PXDNL: variants seen among roughly 807,000 people sequenced by gnomAD.
PXDNL encodes the protein peroxidasin like.
A neutral mutation model predicts 150.8 loss-of-function variants in PXDNL; 145 were observed. That is an observed-to-expected ratio of 0.96 (90% CI 0.84 to 1.10). The LOEUF is 1.10. Among genes scored for constraint, PXDNL ranks in the 50% least tolerant of loss-of-function variants. The probability of loss-of-function intolerance (pLI) is 0.00; values close to 1 mark genes in which losing one functional copy is unlikely to be tolerated. For synonymous variants in PXDNL, 757 were observed against 725.7 expected (o/e 1.04, Z -0.69); for missense variants, 2,087 against 1,873.9 (o/e 1.11, Z -2.10).
At chr8:51,759,720 T>C (rs2130993778) in intron 1 of PXDNL, among the ~76,000 whole-genome samples, 1 of 152,382 alleles carries the variant, frequency 6.6e-6, no homozygotes, top group Admixed American at 6.5e-5. Flanking sequence ...ATTGTTCTTA[T>C]ACTTGACTGA....
chr8:51,635,484 G>A (rs1359445413), intron 2 of PXDNL, among the ~76,000 whole-genome samples: 1 of 151,940 alleles, frequency 6.6e-6, no homozygotes, highest in African/African-American at 2.4e-5. Flanking sequence ...ACTTTAGCTA[G>A]GCTAACCATG....
chr8:51,568,878 C>T (rs1288819827), intron 3 of PXDNL, among the ~76,000 whole-genome samples: 3 of 151,902 alleles, frequency 2.0e-5, no homozygotes, highest in South Asian at 2.1e-4. Flanking sequence ...CATATCCAGT[C>T]GACTGGTGGG....
At chr8:51,543,134 A>G (rs1812258866) in intron 4 of PXDNL, among the ~76,000 whole-genome samples, 1 of 152,200 alleles carries the variant, frequency 6.6e-6, no homozygotes, top group African/African-American at 2.4e-5. Context: ...CAATACCAAG[A>G]AACTCTAAGA....
intron 1 of PXDNL, among the ~76,000 whole-genome samples, chr8:51,656,086 T>A (rs1815144315): frequency 6.6e-6 from 1 of 152,162 alleles, no homozygotes; most frequent in South Asian, 2.1e-4. Context: ...CAGGGAAATT[T>A]TATAGGGCGC....
chr8:51,406,578 C>A (rs1808441906), intron 17 of PXDNL, among the ~76,000 whole-genome samples: 1 of 152,190 alleles, frequency 6.6e-6, no homozygotes, highest in Admixed American at 6.5e-5. Context: ...CAACCCCATG[C>A]CTTCCTGCTT....
chr8:51,327,723 A>C (rs1261466670), intron 21 of PXDNL, among the ~76,000 whole-genome samples: 1 of 152,234 alleles, frequency 6.6e-6, no homozygotes, highest in Non-Finnish European at 1.5e-5. Context: ...AATATGAGTA[A>C]AACATAAAGC....
intron 4 of PXDNL, 106 bp downstream of exon 4, chr8:51,556,734 G>A: frequency 1.5e-6 from 1 of 687,398 alleles, no homozygotes; most frequent in Non-Finnish European, 2.6e-6. Context: ...CAAGCCACAT[G>A]GAGAAGCTTA....
intron 1 of PXDNL, among the ~76,000 whole-genome samples, chr8:51,719,699 A>T (rs1031846948): frequency 6.6e-6 from 1 of 151,926 alleles, no homozygotes; most frequent in Non-Finnish European, 1.5e-5. Flanking sequence ...TATAAACATG[A>T]TTTTTTTAAA....
At chr8:51,592,566 A>T in intron 3 of PXDNL, 61 bp downstream of exon 3, 1 of 1,147,926 alleles carries the variant, frequency 8.7e-7, no homozygotes, top group Non-Finnish European at 1.2e-6. Flanking sequence ...AAACACACAC[A>T]AAAAAGGCAA....
chr8:51,594,188 A>AT (rs1357051717), intron 2 of PXDNL, among the ~76,000 whole-genome samples: 1 of 152,240 alleles, frequency 6.6e-6, no homozygotes, highest in Non-Finnish European at 1.5e-5. Context: ...GTGTGTATAC[A>AT]TACATATGTG....
At chr8:51,738,676 CA>C (rs2036866995) in intron 1 of PXDNL, among the ~76,000 whole-genome samples, 2 of 151,914 alleles carry the variant, frequency 1.3e-5, no homozygotes, top group Non-Finnish European at 2.9e-5. Flanking sequence ...CACAAACTAC[CA>C]AAACTCAATT....
chr8:51,441,522 C>G (rs1310688370), intron 12 of PXDNL, among the ~76,000 whole-genome samples: 1 of 152,114 alleles, frequency 6.6e-6, no homozygotes, highest in Admixed American at 6.5e-5. Flanking sequence ...AGCTGAGAGA[C>G]AGAGCAGCAT....
intron 1 of PXDNL, among the ~76,000 whole-genome samples, chr8:51,714,368 G>A (rs771038069): frequency 6.6e-6 from 1 of 152,172 alleles, no homozygotes; most frequent in Admixed American, 6.5e-5. Flanking sequence ...TCATAGCACT[G>A]AGGAATAGCA....
intron 13 of PXDNL, among the ~76,000 whole-genome samples, chr8:51,424,875 C>T (rs1441102382): frequency 6.6e-6 from 1 of 152,042 alleles, no homozygotes; most frequent in African/African-American, 2.4e-5. Context: ...CTGACTTTAC[C>T]CCATGCTTGA....
chr8:51,616,504 C>T (rs994430708), intron 2 of PXDNL, among the ~76,000 whole-genome samples: 7 of 152,162 alleles, frequency 4.6e-5, no homozygotes, highest in Admixed American at 3.9e-4. Flanking sequence ...ATACAGATAT[C>T]TGTGTATGTA....
rs79512885 is a variant in PXDNL at position 51,402,038 on chromosome 8, G to A, written c.3557+6029C>T. On this transcript the variant is annotated intron_variant, in intron 17 of 22. Coordinates refer to ENST00000356297, the MANE Select transcript of PXDNL (RefSeq NM_144651.5). ...GGGGCAACCTTTTCGGGCAAAGGAA[G>A]ACAAAGACAGAGAATGCAAGTTTTT... Among the ~76,000 whole-genome samples the A allele has an allele frequency of 6.7e-3, 1,026 of 152,288 alleles. 8 individuals carry two copies. Among genetic ancestry groups the A allele is most frequent in the African/African-American group, 0.023 (970 of 41,568 alleles).
chr8:51,335,477 AG>A (rs1805806124), intron 21 of PXDNL, among the ~76,000 whole-genome samples: 2 of 152,240 alleles, frequency 1.3e-5, no homozygotes, highest in South Asian at 4.1e-4. Flanking sequence ...AGCTCCTTTC[AG>A]TAGCTGTTTC....
At chr8:51,457,696 A>T (rs1389622346) in intron 8 of PXDNL, 29 bp from the exon 9 acceptor site, 1 of 1,554,658 alleles carries the variant, frequency 6.4e-7, no homozygotes, top group Admixed American at 1.7e-5. Flanking sequence ...CATGTATATT[A>T]TTTAATCCCA....
intron 10 of PXDNL, among the ~76,000 whole-genome samples, chr8:51,450,793 G>C (rs1465264349): frequency 2.0e-5 from 3 of 152,096 alleles, no homozygotes; most frequent in Non-Finnish European, 4.4e-5. Context: ...GCTCCTCACT[G>C]CACAGATGAG....
Sources: gnomAD v4.1 joint callset for allele counts (sites outside exome capture counted in the v4.1 genomes callset) on GRCh38, gnomAD v4.1.1 for gene constraint, MANE v1.5 for transcripts, NCBI Gene and HGNC (gene_info 2026-07-23, HGNC 2026-07-21) for gene names.